EXT2: variants seen among roughly 807,000 people sequenced by gnomAD.
The protein encoded by EXT2 is exostosin glycosyltransferase 2.
Under a neutral mutation model 81.6 loss-of-function variants are expected in EXT2, and 53 were observed. The ratio of observed to expected loss-of-function variants is 0.65; its 90% CI spans 0.52 to 0.82. The LOEUF (loss-of-function observed/expected upper bound fraction) is 0.82. Among genes scored for constraint, EXT2 ranks in the 40% least tolerant of loss-of-function variants. EXT2 has a pLI of 0.00. For missense variants in EXT2, 774 were observed against 910.2 expected (o/e 0.85, Z 1.93); for synonymous variants, 320 against 340.0 (o/e 0.94, Z 0.65).
At chr11:44,119,215 G>A (rs1199025625) in intron 4 of EXT2, among the ~76,000 whole-genome samples, 1 of 145,380 alleles carries the variant, frequency 6.9e-6, no homozygotes, top group East Asian at 2.1e-4. Context: ...TCATGACTGT[G>A]GGGATGTGTG....
chr11:44,201,588 T>G (rs1955523142), intron 9 of EXT2, among the ~76,000 whole-genome samples: 2 of 152,232 alleles, frequency 1.3e-5, no homozygotes, highest in African/African-American at 4.8e-5. Context: ...TCTATTTAGA[T>G]TACCATTTAG....
Position 44,178,734 on chromosome 11 carries a change from A to G in EXT2, c.1305+6992A>G, listed in dbSNP as rs184557494. Among the ~76,000 whole-genome samples, 4 of 152,000 alleles carry G rather than the reference A, an allele frequency of 2.6e-5. No homozygotes were observed. The East Asian group carries it at 7.7e-4, about 29-fold the overall frequency. ...ATGTTTCTCTGGAATTTGAAAGCCT[A>G]CCCTGCCCCCCAGGAGGCCTTCTTG... On this transcript the variant is annotated intron_variant, in intron 8 of 13. Transcript: ENST00000533608.
intron 8 of EXT2, among the ~76,000 whole-genome samples, chr11:44,189,588 A>C (rs1387235631): frequency 6.6e-6 from 1 of 152,112 alleles, no homozygotes; most frequent in East Asian, 1.9e-4. Flanking sequence ...GGTACTACAC[A>C]CTTCTAAACA....
chr11:44,097,528 G>A lies in EXT2; in HGVS notation c.-31+1676G>A, dbSNP rs539514889. Reference sequence around the variant, plus strand: ...GAAGAGGCCAGGCGCGGTGGCTCACGCCTGTAATCCCAACACTTTGGGAGG... The same window carrying A: ...GAAGAGGCCAGGCGCGGTGGCTCACACCTGTAATCCCAACACTTTGGGAGG... On this transcript the variant is annotated intron_variant, in intron 1 of 13. Coordinates refer to ENST00000533608, the MANE Select transcript of EXT2 (RefSeq NM_207122.2). Among the ~76,000 whole-genome samples, 203 of 152,194 alleles carry A rather than the reference G, an allele frequency of 1.3e-3. 6 individuals carry two copies. The South Asian group carries it at 0.04, about 30-fold the overall frequency.
chr11:44,101,502 G>A (rs748083834), intron 1 of EXT2, among the ~76,000 whole-genome samples: 26 of 152,186 alleles, frequency 1.7e-4, no homozygotes, highest in African/African-American at 2.4e-5. Flanking sequence ...TAGTGCTAAG[G>A]TTAAGTCACT....
chr11:44,169,471 A>G (rs1955041213), intron 7 of EXT2, among the ~76,000 whole-genome samples: 1 of 152,106 alleles, frequency 6.6e-6, no homozygotes, highest in African/African-American at 2.4e-5. Flanking sequence ...AAAAATGTGG[A>G]ATAATAATAA....
chr11:44,149,053 A>G (rs535486944), intron 7 of EXT2, among the ~76,000 whole-genome samples: 2 of 152,230 alleles, frequency 1.3e-5, no homozygotes, highest in Admixed American at 6.5e-5. Flanking sequence ...ACTCCATGGC[A>G]TGACTTAGAG....
In EXT2 at chr11:44,164,696, CTG is replaced by C. The variant is rs762213162; in HGVS notation, c.1174-6909_1174-6908del. ...TTATATAGTTCTTATGCTGTGAAAT[CTG>C]TGTGTTTTATAAACAAAATCACTGT... On this transcript the variant is annotated intron_variant, in intron 7 of 13. Coordinates refer to ENST00000533608, the MANE Select transcript of EXT2 (RefSeq NM_207122.2). Among the ~76,000 whole-genome samples, 121 of 152,162 alleles carry C rather than the reference CTG, an allele frequency of 8.0e-4. 1 individual carries two copies. Among genetic ancestry groups the C allele is most frequent in the Non-Finnish European group, 1.4e-3 (98 of 68,024 alleles).
intron 7 of EXT2, among the ~76,000 whole-genome samples, chr11:44,153,254 A>T (rs1954816004): frequency 6.6e-6 from 1 of 152,096 alleles, no homozygotes; most frequent in South Asian, 2.1e-4. Context: ...ATTTATACTT[A>T]TTTCATTGTT....
intron 1 of EXT2, among the ~76,000 whole-genome samples, chr11:44,102,074 G>A (rs111845021): frequency 2.8e-4 from 43 of 152,194 alleles, no homozygotes; most frequent in African/African-American, 9.9e-4. Flanking sequence ...ATATCCCATG[G>A]ATTGAAGGGG....
chr11:44,219,862 A>G (rs1590657987), intron 10 of EXT2, among the ~76,000 whole-genome samples: 2 of 152,250 alleles, frequency 1.3e-5, no homozygotes. Flanking sequence ...CCTGCAGTGC[A>G]TCCACTTCCA....
chr11:44,203,392 A>T (rs1955543398), intron 9 of EXT2, among the ~76,000 whole-genome samples: 1 of 152,202 alleles, frequency 6.6e-6, no homozygotes, highest in African/African-American at 2.4e-5. Flanking sequence ...CCACTGGATT[A>T]GTAAAGTTTA....
intron 13 of EXT2, among the ~76,000 whole-genome samples, chr11:44,243,575 T>C (rs1956061187): frequency 6.6e-6 from 1 of 151,748 alleles, no homozygotes; most frequent in East Asian, 1.9e-4. Context: ...CAATGTTGGT[T>C]GAATGAATGA....
rs115680497 is a variant in EXT2, at chr11:44,167,402, C to T, written c.1174-4209C>T. ...GTGAGAGGTTGGTATTCAAGGCCTGCCAAGGTAGAGGGGCCCTGGCAAATA... is the reference window on the plus strand; with the variant it reads ...GTGAGAGGTTGGTATTCAAGGCCTGTCAAGGTAGAGGGGCCCTGGCAAATA... On this transcript the variant is annotated intron_variant, in intron 7 of 13. Coordinates refer to ENST00000533608, the MANE Select transcript of EXT2 (RefSeq NM_207122.2). Among the ~76,000 whole-genome samples the T allele has an allele frequency of 8.5e-3, 1,288 of 152,218 alleles. 18 individuals are homozygous for T. Among genetic ancestry groups the T allele is most frequent in the African/African-American group, 0.029 (1,211 of 41,528 alleles).
At chr11:44,151,762 A>G (rs1460812469) in intron 7 of EXT2, among the ~76,000 whole-genome samples, 1 of 152,160 alleles carries the variant, frequency 6.6e-6, no homozygotes, top group African/African-American at 2.4e-5. Flanking sequence ...GCATGGCAAG[A>G]ATACGTTTAG....
rs1049795651 is a variant in EXT2, at chr11:44,248,365, T to C, written c.*4078T>C. Among the ~76,000 whole-genome samples the C allele has an allele frequency of 1.3e-4, 20 of 152,194 alleles. No homozygotes were observed. The highest frequency in any genetic ancestry group is 8.5e-4 in the Admixed American group (13 of 15,280). ...GAGAGACTTTGAAAGCAACTTGAGC[T>C]TTCCACTGCAGGGCCTGGAGGCATA... is the stretch of plus-strand genomic sequence containing the variant. On this transcript the variant is annotated 3_prime_UTR_variant, in exon 14 of 14. Coordinates refer to ENST00000533608, the MANE Select transcript of EXT2 (RefSeq NM_207122.2).
At chr11:44,138,851 A>C (rs981034039) in intron 7 of EXT2, among the ~76,000 whole-genome samples, 5 of 152,182 alleles carry the variant, frequency 3.3e-5, no homozygotes, top group Non-Finnish European at 5.9e-5. Flanking sequence ...GTATTGATTA[A>C]ATGAGATGAT....
chr11:44,223,290 A>G (rs1955801673), intron 10 of EXT2, among the ~76,000 whole-genome samples: 1 of 152,254 alleles, frequency 6.6e-6, no homozygotes, highest in African/African-American at 2.4e-5. Flanking sequence ...CATTTATCCC[A>G]GAGGAATGAT....
intron 8 of EXT2, among the ~76,000 whole-genome samples, chr11:44,194,322 T>G (rs2135177249): frequency 6.6e-6 from 1 of 152,302 alleles, no homozygotes; most frequent in Non-Finnish European, 1.5e-5. Flanking sequence ...GAAATCATAG[T>G]GTTTGGGGTG....
Sources: gnomAD v4.1 joint callset for allele counts (sites outside exome capture counted in the v4.1 genomes callset) on GRCh38, gnomAD v4.1.1 for gene constraint, MANE v1.5 for transcripts, NCBI Gene and HGNC (gene_info 2026-07-23, HGNC 2026-07-21) for gene names.